Variants in DNAH7 observed in about 807,000 individuals in gnomAD.
The protein encoded by DNAH7 is dynein axonemal heavy chain 7.
In DNAH7, 397 loss-of-function variants were observed where a neutral mutation model predicts 444.6. The observed-to-expected ratio is 0.89, with a 90% confidence interval of 0.82 to 0.97. The LOEUF is 0.97. Ranked by LOEUF, DNAH7 falls within the 50% of genes least tolerant of loss-of-function variation. The probability of loss-of-function intolerance (pLI) is 0.00; values close to 1 mark genes in which losing one functional copy is unlikely to be tolerated. For synonymous variants in DNAH7, 1,636 were observed against 1,624.4 expected (o/e 1.01, Z -0.17); for missense variants, 4,902 against 4,800.8 (o/e 1.02, Z -0.62).
Position 196,065,618 on chromosome 2 carries a change from A to C in DNAH7, c.15+3079T>G, listed in dbSNP as rs557756176. On this transcript the variant is annotated intron_variant, in intron 1 of 64. Transcript: ENST00000312428. ...CACCAGGAGGAGACTGAAGAGCAGG[A>C]GGGCAGAAAGTTTAGGATATTTGTT... Among the ~76,000 whole-genome samples, 35 of 152,330 alleles carry C rather than the reference A, an allele frequency of 2.3e-4. No individual in the cohort carries two copies. In the South Asian group the frequency reaches 3.9e-3, roughly 17 times the overall value.
At chr2:195,851,969 A>C (rs563549265) in intron 46 of DNAH7, among the ~76,000 whole-genome samples, 31 of 152,278 alleles carry the variant, frequency 2.0e-4, no homozygotes, top group African/African-American at 6.3e-4. Context: ...GTTAAAAACA[A>C]CACCACTGGC....
chr2:195,767,084 C>G (rs1694625279), intron 61 of DNAH7, among the ~76,000 whole-genome samples: 1 of 151,978 alleles, frequency 6.6e-6, no homozygotes, highest in African/African-American at 2.4e-5. Flanking sequence ...GTTTTTCTAA[C>G]ATATATTTGA....
At chr2:195,987,040 TA>T (rs769889597) in intron 14 of DNAH7, 25 bp downstream of exon 14, 4 of 1,552,370 alleles carry the variant, frequency 2.6e-6, no homozygotes, top group Admixed American at 2.2e-5. Flanking sequence ...TCCCAAAAAA[TA>T]AAAAAACCAG....
intron 15 of DNAH7, among the ~76,000 whole-genome samples, chr2:195,973,575 G>C (rs1030661688): frequency 3.3e-5 from 5 of 151,952 alleles, no homozygotes; most frequent in Non-Finnish European, 4.4e-5. Flanking sequence ...ATGTTCAAGC[G>C]ATTCTCCTGC....
chr2:195,954,154 TCTC>T (rs1259054025), intron 19 of DNAH7, among the ~76,000 whole-genome samples: 1 of 152,140 alleles, frequency 6.6e-6, no homozygotes, highest in African/African-American at 2.4e-5. Context: ...ATTAGGTATA[TCTC>T]CTAATGCTAT....
intron 46 of DNAH7, among the ~76,000 whole-genome samples, chr2:195,852,852 T>G (rs1699450202): frequency 6.6e-6 from 1 of 151,106 alleles, no homozygotes; most frequent in South Asian, 2.1e-4. Flanking sequence ...GATTTTGAAA[T>G]GGCTTGTTAT....
intron 12 of DNAH7, among the ~76,000 whole-genome samples, chr2:195,991,333 T>C (rs1313773880): frequency 6.7e-6 from 1 of 149,092 alleles, no homozygotes; most frequent in Non-Finnish European, 1.5e-5. Context: ...TTCCTTCAAA[T>C]CCCTCCTTCT....
intron 18 of DNAH7, among the ~76,000 whole-genome samples, chr2:195,959,105 C>G (rs965940301): frequency 6.6e-6 from 1 of 152,060 alleles, no homozygotes; most frequent in Non-Finnish European, 1.5e-5. Flanking sequence ...AGCAACAGAA[C>G]TTAGATGTGG....
chr2:195,907,580 T>G (rs867839839), intron 25 of DNAH7, among the ~76,000 whole-genome samples: 3 of 152,162 alleles, frequency 2.0e-5, no homozygotes, highest in Non-Finnish European at 4.4e-5. Flanking sequence ...TCAACAAATA[T>G]GTACTGAACA....
At chr2:195,778,669 TAC>T (rs1198664361) in intron 58 of DNAH7, among the ~76,000 whole-genome samples, 5 of 64,098 alleles carry the variant, frequency 7.8e-5, no homozygotes, top group African/African-American at 3.9e-4. Context: ...TATATATATA[TAC>T]ACACACACAC....
rs924031682 is a variant in DNAH7 at position 195,738,262 on chromosome 2, GTGT to G, written c.11869-138_11869-136del. 15 of 717,032 alleles carry G rather than the reference GTGT, an allele frequency of 2.1e-5. No homozygotes were observed. In the African/African-American group the frequency reaches 2.3e-4, roughly 11 times the overall value. 44.4% of individuals were successfully genotyped at this position (717,032 alleles called of 1,614,324 possible). ...TGGCCCAAATTTATTTTCACCAGCA[GTGT>G]TGTTGTGATTGCTCAAAACATTTTA... On this transcript the variant is annotated intron_variant, in intron 64 of 64. Transcript: ENST00000312428.
chr2:195,933,699 T>G, intron 21 of DNAH7, among the ~76,000 whole-genome samples: 1 of 127,892 alleles, frequency 7.8e-6, no homozygotes, highest in Non-Finnish European at 1.5e-5. Flanking sequence ...AATTGAACAA[T>G]GAGAACACAT....
At position 195,897,562 on chromosome 2, in the gene DNAH7, T is replaced by C. The variant is rs1415393474; in HGVS notation, c.4647+105A>G. 1.4e-5 allele frequency: 8 copies of C among 564,234 alleles called. No homozygotes were observed. In the East Asian group the frequency reaches 1.7e-4, roughly 12 times the overall value. 35.0% of individuals were successfully genotyped at this position (564,234 alleles called of 1,614,324 possible). Reference sequence around the variant, plus strand: ...AAATATGGAATTATCTATGTTTCTCTGTACTGTGTCATTGTTTTCCATAGT... The same window carrying C: ...AAATATGGAATTATCTATGTTTCTCCGTACTGTGTCATTGTTTTCCATAGT... On this transcript the variant is annotated intron_variant, in intron 29 of 64. Transcript: ENST00000312428.
chr2:195,992,106 A>C (rs183213638), intron 12 of DNAH7, among the ~76,000 whole-genome samples: 1 of 152,356 alleles, frequency 6.6e-6, no homozygotes, highest in East Asian at 1.9e-4. Flanking sequence ...GCAGCTGGCA[A>C]AGATAATTAC....
intron 1 of DNAH7, among the ~76,000 whole-genome samples, chr2:196,061,160 C>A (rs1698111777): frequency 6.6e-6 from 1 of 152,116 alleles, no homozygotes; most frequent in South Asian, 2.1e-4. Context: ...GTCTAGTCAT[C>A]ATGATGTATA....
rs184667357 is a variant in DNAH7, at chr2:195,886,255, G to C, written c.5424C>G (p.Ser1808=). The stretch of plus-strand genomic sequence containing the variant: ...TTAAGGACCGGACCAAGTTTGTATC[G>C]GAAGTAGGAGATAATTCCTGAAAAG... ...RKHTKELSPT[S]DTNLVRSLMN... is the part of the protein sequence containing the mutation. Residue 1808 remains serine (S), a synonymous_variant, in exon 34 of 65, where the codon TCC becomes TCG. Transcript: ENST00000312428. The C allele has an allele frequency of 1.9e-6, 3 of 1,610,452 alleles. No individual in the cohort carries two copies. The highest frequency in any genetic ancestry group is 1.7e-5 in the Admixed American group (1 of 59,566).
At chr2:195,889,114 T>C in intron 31 of DNAH7, 133 bp from the exon 32 acceptor site, 1 of 799,316 alleles carries the variant, frequency 1.3e-6, no homozygotes, top group South Asian at 2.0e-5. Context: ...GTAAAAGCAC[T>C]TTTTGAATAA....
intron 17 of DNAH7, among the ~76,000 whole-genome samples, chr2:195,962,980 G>A (rs1442477542): frequency 6.6e-6 from 1 of 152,132 alleles, no homozygotes; most frequent in Non-Finnish European, 1.5e-5. Flanking sequence ...GTACACCATC[G>A]TATACAGATA....
chr2:195,789,560 A>G (rs1309556963), intron 57 of DNAH7, among the ~76,000 whole-genome samples: 5 of 152,166 alleles, frequency 3.3e-5, no homozygotes, highest in Non-Finnish European at 7.3e-5. Flanking sequence ...TATCTCCCCC[A>G]CAGACTGATT....
Sources: gnomAD v4.1 joint callset for allele counts (sites outside exome capture counted in the v4.1 genomes callset) on GRCh38, gnomAD v4.1.1 for gene constraint, MANE v1.5 for transcripts, NCBI Gene and HGNC (gene_info 2026-07-23, HGNC 2026-07-21) for gene names.